The following RUFY3 variants were observed in gnomAD, a reference collection of about 807,000 sequenced individuals.
The protein encoded by RUFY3 is RUN and FYVE domain containing 3.
In RUFY3, 34 loss-of-function variants were observed where a neutral mutation model predicts 84.0. The ratio of observed to expected loss-of-function variants is 0.40; its 90% CI spans 0.31 to 0.54. The LOEUF (loss-of-function observed/expected upper bound fraction) is 0.54. Ranked by LOEUF, RUFY3 falls within the 20% of genes least tolerant of loss-of-function variation. The pLI is 0.39. For synonymous variants in RUFY3, 242 were observed against 252.9 expected (o/e 0.96, Z 0.41); for missense variants, 507 against 736.8 (o/e 0.69, Z 3.61).
intron 1 of RUFY3, among the ~76,000 whole-genome samples, chr4:70,715,077 A>G (rs772727652): frequency 2.0e-5 from 3 of 152,226 alleles, no homozygotes; most frequent in Non-Finnish European, 4.4e-5. Flanking sequence ...ATATCTATAA[A>G]GTGACACTGA....
At chr4:70,736,377 AATGTATACACTTTTTCAATGTAT>A (rs1274961612) in intron 1 of RUFY3, among the ~76,000 whole-genome samples, 1 of 152,110 alleles carries the variant, frequency 6.6e-6, no homozygotes, top group Admixed American at 6.5e-5. Flanking sequence ...TCTCTTTTTC[AATGTATACACTTTTTCAATGTAT>A]ACACTGAAGG....
chr4:70,764,777 T>G (rs148501110), intron 4 of RUFY3, among the ~76,000 whole-genome samples: 20 of 152,336 alleles, frequency 1.3e-4, no homozygotes, highest in African/African-American at 4.6e-4. Flanking sequence ...CACTGTGGCA[T>G]ATATTGGTCC....
At chr4:70,765,903 C>T (rs1206347001) in intron 4 of RUFY3, among the ~76,000 whole-genome samples, 1 of 151,620 alleles carries the variant, frequency 6.6e-6, no homozygotes, top group African/African-American at 2.4e-5. Flanking sequence ...GCTGGGACTA[C>T]AGGCGCACAC....
chr4:70,782,694 C>G lies in RUFY3; in HGVS notation c.895-397C>G, dbSNP rs538593857. 2.6e-4 allele frequency among the ~76,000 whole-genome samples: 39 copies of G among 152,192 alleles called. No individual in the cohort carries two copies. In the South Asian group the frequency reaches 7.7e-3, roughly 30 times the overall value. On this transcript the variant is annotated intron_variant, in intron 8 of 17. Coordinates refer to ENST00000381006, the MANE Select transcript of RUFY3 (RefSeq NM_001037442.4). The stretch of plus-strand genomic sequence containing the variant: ...TTGGGAGGCCGAGGTGGGCAGATCT[C>G]TTGAAGGCAGAAGTTCAACACCAGC...
chr4:70,804,761 C>CAAAAAAAAAAA (rs1186156048), intron 17 of RUFY3, among the ~76,000 whole-genome samples: 27 of 76,740 alleles, frequency 3.5e-4, no homozygotes, highest in African/African-American at 8.0e-4. Flanking sequence ...ACTAAAAATA[C>CAAAAAAAAAAA]AAAAAAAAAA....
intron 1 of RUFY3, among the ~76,000 whole-genome samples, chr4:70,746,930 A>C (rs997827693): frequency 1.3e-5 from 2 of 152,172 alleles, no homozygotes; most frequent in Non-Finnish European, 2.9e-5. Flanking sequence ...CATGGCTATA[A>C]AACATCAATA....
At chr4:70,762,410 CA>C (rs1001167138) in intron 1 of RUFY3, 108 bp from the exon 2 acceptor site, 59 of 937,208 alleles carry the variant, frequency 6.3e-5, no homozygotes, top group Non-Finnish European at 5.7e-5. Flanking sequence ...AGGAAACTGG[CA>C]TTTTTTTTCA....
intron 1 of RUFY3, among the ~76,000 whole-genome samples, chr4:70,743,067 T>C (rs1721577115): frequency 6.6e-6 from 1 of 151,930 alleles, no homozygotes; most frequent in South Asian, 2.1e-4. Context: ...TTATTATTAT[T>C]ATATTTATTT....
rs377108441 is a variant in RUFY3, at chr4:70,713,211, C to T, written c.358+7917C>T. On this transcript the variant is annotated intron_variant, in intron 1 of 11. Coordinates refer to the RUFY3 transcript ENST00000417478. ...CCTAATTTTTGTATTTTAGTAGAGA[C>T]GGGGTTTTGCCATGTTGGCCAGGCT... Among the ~76,000 whole-genome samples, 10 of 152,194 alleles carry T rather than the reference C, an allele frequency of 6.6e-5. No individual in the cohort carries two copies. The East Asian group carries it at 1.7e-3, about 26-fold the overall frequency.
At chr4:70,785,287 A>G (rs1729596611) in intron 10 of RUFY3, among the ~76,000 whole-genome samples, 1 of 152,070 alleles carries the variant, frequency 6.6e-6, no homozygotes, top group Non-Finnish European at 1.5e-5. Context: ...TTTCTGATTT[A>G]TTATTGGTCT....
chr4:70,770,842 C>T (rs1019089568), intron 5 of RUFY3, among the ~76,000 whole-genome samples: 1 of 152,032 alleles, frequency 6.6e-6, no homozygotes, highest in Non-Finnish European at 1.5e-5. Flanking sequence ...TTTTTTCTGG[C>T]TTTTGATTTA....
chr4:70,796,276 C>G (rs531105327), intron 14 of RUFY3, among the ~76,000 whole-genome samples: 3 of 152,310 alleles, frequency 2.0e-5, no homozygotes, highest in African/African-American at 7.2e-5. Flanking sequence ...AGTCAACAAG[C>G]AAAATGCCTT....
At chr4:70,795,641 T>G (rs1484694225) in intron 14 of RUFY3, among the ~76,000 whole-genome samples, 1 of 152,138 alleles carries the variant, frequency 6.6e-6, no homozygotes, top group Non-Finnish European at 1.5e-5. Flanking sequence ...AATTAAAAGG[T>G]AAAGATATAT....
At chr4:70,787,079 A>T (rs1392011118) in intron 10 of RUFY3, among the ~76,000 whole-genome samples, 1 of 147,942 alleles carries the variant, frequency 6.8e-6, no homozygotes, top group Non-Finnish European at 1.5e-5. Flanking sequence ...CTGAGGAGGG[A>T]GATCACCTGA....
chr4:70,788,272 G>A (rs542710727), intron 10 of RUFY3, among the ~76,000 whole-genome samples: 39 of 147,738 alleles, frequency 2.6e-4, no homozygotes, highest in African/African-American at 9.0e-4. Flanking sequence ...GCGACAGAGC[G>A]AGACTCTGTC....
chr4:70,759,588 G>C (rs879210420), intron 1 of RUFY3, among the ~76,000 whole-genome samples: 1 of 152,080 alleles, frequency 6.6e-6, no homozygotes, highest in Non-Finnish European at 1.5e-5. Context: ...AGTTTTTTGA[G>C]GAACCTCCGT....
chr4:70,727,664 G>A (rs1171837840), intron 1 of RUFY3, among the ~76,000 whole-genome samples: 2 of 150,218 alleles, frequency 1.3e-5, no homozygotes, highest in African/African-American at 2.4e-5. Context: ...GCGGGTGCCT[G>A]TAATCCCAGC....
chr4:70,730,572 C>CAAAAAAAAAA (rs796173421), intron 1 of RUFY3, among the ~76,000 whole-genome samples: 16 of 106,518 alleles, frequency 1.5e-4, no homozygotes, highest in African/African-American at 3.5e-4. Flanking sequence ...ACTAAAAATA[C>CAAAAAAAAAA]AAAAAAAAAA....
intron 8 of RUFY3, among the ~76,000 whole-genome samples, chr4:70,781,779 C>A (rs927343084): frequency 6.6e-6 from 1 of 152,214 alleles, no homozygotes; most frequent in African/African-American, 2.4e-5. Context: ...AGAGCCTGCA[C>A]CCACTGCTAA....
Sources: allele counts gnomAD v4.1 joint callset (sites outside exome capture counted in the v4.1 genomes callset), GRCh38; gene constraint gnomAD v4.1.1; transcripts MANE v1.5; gene names NCBI Gene and HGNC (gene_info 2026-07-23, HGNC 2026-07-21).